The following BBX variants were observed in gnomAD, a reference collection of about 807,000 sequenced individuals.
BBX encodes BBX high mobility group box domain containing, also known as HMG box transcription factor BBX.
A neutral mutation model predicts 100.2 loss-of-function variants in BBX; 30 were observed. That is an observed-to-expected ratio of 0.30 (90% confidence interval 0.22 to 0.41). BBX has a LOEUF of 0.41. BBX is among the 10% of genes least tolerant of loss of function. The pLI is 1.00. For synonymous variants in BBX, 376 were observed against 388.1 expected, an observed-to-expected ratio of 0.97 and a Z score of 0.37; for missense variants, 1,023 against 1,129.8, an observed-to-expected ratio of 0.91 and a Z score of 1.35.
chr3:107,619,112 T>TA (rs1205387867), intron 2 of BBX, among the ~76,000 whole-genome samples: 1 of 152,146 alleles, frequency 6.6e-6, no homozygotes, highest in Non-Finnish European at 1.5e-5. Context: ...TTCTTGGCGA[T>TA]ATGGCACTTT....
intron 2 of BBX, among the ~76,000 whole-genome samples, chr3:107,586,776 G>GT (rs1293736597): frequency 6.6e-6 from 1 of 150,916 alleles, no homozygotes; most frequent in Non-Finnish European, 1.5e-5. Context: ...TTGAGATGGA[G>GT]TTTCGCTCTT....
chr3:107,621,175 C>T (rs2055735156), intron 2 of BBX, among the ~76,000 whole-genome samples: 1 of 152,154 alleles, frequency 6.6e-6, no homozygotes, highest in Non-Finnish European at 1.5e-5. Flanking sequence ...TGCTCCTTTC[C>T]TGCTCCTTTG....
chr3:107,741,554 C>A (rs1576591014), intron 7 of BBX, among the ~76,000 whole-genome samples: 1 of 151,892 alleles, frequency 6.6e-6, no homozygotes, highest in East Asian at 1.9e-4. Flanking sequence ...GTTTTTTTCT[C>A]CCTTATTAAA....
At chr3:107,722,528 G>A (rs2062616911) in intron 5 of BBX, among the ~76,000 whole-genome samples, 2 of 151,952 alleles carry the variant, frequency 1.3e-5, no homozygotes. Context: ...ATAGCCAAAT[G>A]AAGTAGCCAG....
At chr3:107,689,691 C>T (rs2060041512) in intron 3 of BBX, among the ~76,000 whole-genome samples, 1 of 152,040 alleles carries the variant, frequency 6.6e-6, no homozygotes, top group South Asian at 2.1e-4. Flanking sequence ...ATTTGAGATA[C>T]GAATGGAAGT....
intron 13 of BBX, among the ~76,000 whole-genome samples, chr3:107,779,771 C>T (rs1299105499): frequency 6.6e-6 from 1 of 152,016 alleles, no homozygotes; most frequent in Admixed American, 6.6e-5. Flanking sequence ...GAACCTTTCT[C>T]CTTCAAAGCC....
chr3:107,526,614 TTATC>T (rs1254182293), intron 2 of BBX: 2 of 359,588 alleles, frequency 5.6e-6, no homozygotes, highest in Admixed American at 9.3e-5. Flanking sequence ...CATTTTGTGT[TTATC>T]TACAAGTAAT....
chr3:107,667,992 A>G (rs1306540729), intron 3 of BBX, among the ~76,000 whole-genome samples: 1 of 152,202 alleles, frequency 6.6e-6, no homozygotes, highest in Non-Finnish European at 1.5e-5. Context: ...TATCTTAGCT[A>G]TAAAAATTTA....
intron 2 of BBX, among the ~76,000 whole-genome samples, chr3:107,559,388 A>C (rs1276893258): frequency 1.3e-5 from 2 of 152,208 alleles, no homozygotes; most frequent in African/African-American, 4.8e-5. Flanking sequence ...AAGATACTAC[A>C]GAAGAAGCAG....
chr3:107,619,987 CT>C lies in BBX; in HGVS notation c.-83-25846del, dbSNP rs1432545492. ...TTGAGTACTTTTTCAGCCCTGCTCT[CT>C]TTCTTCTCTCCTTTCTGGATTACAG... On this transcript the variant is annotated intron_variant, in intron 2 of 17. Transcript: ENST00000325805. 6.6e-5 allele frequency among the ~76,000 whole-genome samples: 10 copies of C among 152,170 alleles called. No individual in the cohort carries two copies. The South Asian group carries it at 2.1e-3, about 32-fold the overall frequency.
intron 8 of BBX, among the ~76,000 whole-genome samples, chr3:107,747,243 G>A (rs958966454): frequency 6.6e-6 from 1 of 152,174 alleles, no homozygotes; most frequent in Non-Finnish European, 1.5e-5. Flanking sequence ...GTGTGTGTGT[G>A]TGTGTGTTTG....
intron 2 of BBX, among the ~76,000 whole-genome samples, chr3:107,572,949 T>C: frequency 6.6e-6 from 1 of 152,180 alleles, no homozygotes; most frequent in East Asian, 1.9e-4. Context: ...CCAACTAATA[T>C]AATATTTTAA....
At chr3:107,569,830 C>T (rs2051209265) in intron 2 of BBX, among the ~76,000 whole-genome samples, 1 of 152,112 alleles carries the variant, frequency 6.6e-6, no homozygotes, top group African/African-American at 2.4e-5. Flanking sequence ...ACTTACCCTC[C>T]ACTTTATGAG....
At chr3:107,787,227 T>A (rs1487809933) in intron 13 of BBX, among the ~76,000 whole-genome samples, 1 of 152,150 alleles carries the variant, frequency 6.6e-6, no homozygotes, top group Non-Finnish European at 1.5e-5. Context: ...GATCTCTTGA[T>A]GTCGTGATCT....
chr3:107,726,394 CT>C (rs149059460), intron 5 of BBX, among the ~76,000 whole-genome samples: 2,696 of 151,972 alleles, frequency 0.018, 53 homozygotes, highest in Middle Eastern at 0.048. Flanking sequence ...CTTTAAACTC[CT>C]TAAGGACAAA....
chr3:107,725,334 T>A (rs569593103), intron 5 of BBX, among the ~76,000 whole-genome samples: 1 of 152,290 alleles, frequency 6.6e-6, no homozygotes, highest in Admixed American at 6.5e-5. Context: ...TTTCTAGATA[T>A]ACAATCATGT....
Position 107,773,001 on chromosome 3 carries a change from A to T in BBX, c.1280A>T (p.Asp427Val). 6.2e-7 allele frequency: 1 copy of T among 1,614,074 alleles called. No homozygotes were observed. Among genetic ancestry groups the T allele is most frequent in the Non-Finnish European group, 8.5e-7 (1 of 1,179,990 alleles). Residue 427 changes from aspartate to valine, a missense_variant, in exon 11 of 18, where the codon GAT (aspartate) becomes GTT (valine). Around this residue, in one of 9 missense-constraint regions of BBX, gnomAD observed 348 missense variants for 353.2 expected, o/e 0.99. Coordinates refer to ENST00000325805, the MANE Select transcript of BBX (RefSeq NM_001142568.3). The surrounding 1 kb of genome is among the most constrained non-coding windows in gnomAD (Gnocchi z 4.1). ...ATTAGTGATGTTCCCAGTAGAAAGG[A>T]TCATATGTGCCATCCTCATGGAATT... ...IIISDVPSRKDHMCHPHGIMI... is the reference protein window; with the variant it reads ...IIISDVPSRKVHMCHPHGIMI...
intron 4 of BBX, among the ~76,000 whole-genome samples, chr3:107,713,205 C>T (rs1374570886): frequency 6.6e-6 from 1 of 152,218 alleles, no homozygotes; most frequent in African/African-American, 2.4e-5. Context: ...GTTTCTGCCT[C>T]ATAAATATTG....
At chr3:107,600,394 G>A (rs958784960) in intron 2 of BBX, among the ~76,000 whole-genome samples, 11 of 152,344 alleles carry the variant, frequency 7.2e-5, no homozygotes, top group Non-Finnish European at 1.6e-4. Context: ...ACTAGTGGTA[G>A]AGACCATTCA....
Sources: gnomAD v4.1 joint callset for allele counts (sites outside exome capture counted in the v4.1 genomes callset) on GRCh38, gnomAD v4.1.1 for gene constraint, gnomAD v4.1.1 regional missense constraint, Gnocchi (gnomAD v3.1) non-coding constraint, MANE v1.5 for transcripts, NCBI Gene and HGNC (gene_info 2026-07-23, HGNC 2026-07-21) for gene names.